The following PPARG variants were observed in gnomAD, a reference collection of about 807,000 sequenced individuals.
PPARG encodes peroxisome proliferator-activated receptor gamma.
In PPARG, 17 loss-of-function variants were observed where a neutral mutation model predicts 39.2. That is an observed-to-expected ratio of 0.43 (90% CI 0.30 to 0.65). PPARG has a LOEUF of 0.65. Ranked by LOEUF, PPARG falls within the 30% of genes least tolerant of loss-of-function variation. PPARG has a pLI of 0.13. For synonymous variants in PPARG, 223 were observed against 215.7 expected (o/e 1.03, Z -0.30); for missense variants, 406 against 585.9 (o/e 0.69, Z 3.17).
At position 12,320,992 on chromosome 3, in the gene PPARG, A is replaced by G. The variant is rs1026371406; in HGVS notation, c.-9+8539A>G. Among the ~76,000 whole-genome samples the G allele has an allele frequency of 3.3e-5, 5 of 152,232 alleles. No individual in the cohort carries two copies. In the South Asian group the frequency reaches 6.2e-4, roughly 19 times the overall value. On this transcript the variant is annotated intron_variant, in intron 2 of 7. Transcript: ENST00000651735. Reference sequence around the variant, plus strand: ...TATCTTTTTAATATTTTTGTTTGGGAAAAGCATTAAGCTCCTTCATTGTGT... The same window carrying G: ...TATCTTTTTAATATTTTTGTTTGGGGAAAGCATTAAGCTCCTTCATTGTGT...
chr3:12,290,722 G>T (rs918338983), intron 1 of PPARG, among the ~76,000 whole-genome samples: 2 of 152,022 alleles, frequency 1.3e-5, no homozygotes, highest in Non-Finnish European at 2.9e-5. Context: ...TGACAATAAG[G>T]ATGTTAGCCA....
At chr3:12,394,102 A>G (rs2050175737) in intron 5 of PPARG, among the ~76,000 whole-genome samples, 1 of 152,216 alleles carries the variant, frequency 6.6e-6, no homozygotes, top group Admixed American at 6.5e-5. Context: ...ACATAAGGGC[A>G]AGCTTCCAAG....
At chr3:12,312,246 C>T (rs1347084847) in intron 1 of PPARG, 134 bp from the exon 2 acceptor site, 2 of 152,220 alleles carry the variant, frequency 1.3e-5, no homozygotes, top group Admixed American at 1.3e-4. Flanking sequence ...GGAAAGCAAA[C>T]ATTCAGAATG....
intron 2 of PPARG, among the ~76,000 whole-genome samples, chr3:12,329,954 G>A (rs895797236): frequency 3.3e-5 from 5 of 152,148 alleles, no homozygotes; most frequent in African/African-American, 9.7e-5. Flanking sequence ...CCATGTTGTA[G>A]CATGTATCAG....
chr3:12,401,434 T>C (rs2050466798), intron 5 of PPARG, among the ~76,000 whole-genome samples: 1 of 152,298 alleles, frequency 6.6e-6, no homozygotes, highest in African/African-American at 2.4e-5. Context: ...ACCACAGCAA[T>C]AAAAGCTGTG....
chr3:12,368,331 G>A (rs1033489875), intron 2 of PPARG, among the ~76,000 whole-genome samples: 10 of 151,760 alleles, frequency 6.6e-5, no homozygotes, highest in Non-Finnish European at 1.3e-4. Flanking sequence ...ACAGGCCTGC[G>A]CCACCACGCC....
chr3:12,434,203 G>A lies in PPARG; in HGVS notation c.*58G>A, dbSNP rs2051781355. 59 of 1,608,406 alleles carry A rather than the reference G, an allele frequency of 3.7e-5. No homozygotes were observed. In the South Asian group the frequency reaches 5.9e-4, roughly 16 times the overall value. On this transcript the variant is annotated 3_prime_UTR_variant, in exon 8 of 8. Transcript: ENST00000651735. The surrounding 1 kb of genome is among the most constrained non-coding windows in gnomAD (Gnocchi z 4.2). ...TTCTTCCAGTTGCACTATTCTGAGG[G>A]AAAATCTGACACCTAAGAAATTTAC...
intron 7 of PPARG, among the ~76,000 whole-genome samples, chr3:12,427,862 T>C (rs139164909): frequency 3.8e-4 from 58 of 152,350 alleles, no homozygotes; most frequent in African/African-American, 1.3e-3. Context: ...AGGTCTTTCA[T>C]TGTCTGTGGA....
At chr3:12,352,100 C>G (rs952878759) in intron 2 of PPARG, among the ~76,000 whole-genome samples, 3 of 152,130 alleles carry the variant, frequency 2.0e-5, no homozygotes, top group African/African-American at 7.2e-5. Context: ...TTTTATTCCT[C>G]TTGAAGTACT....
intron 2 of PPARG, among the ~76,000 whole-genome samples, chr3:12,355,566 C>T (rs1302784456): frequency 1.3e-5 from 2 of 152,040 alleles, no homozygotes; most frequent in African/African-American, 4.8e-5. Flanking sequence ...CTCTGATTAA[C>T]CTCTTTTTTC....
At chr3:12,377,792 TAATC>T (rs1292735831) in intron 2 of PPARG, among the ~76,000 whole-genome samples, 1 of 152,116 alleles carries the variant, frequency 6.6e-6, no homozygotes, top group Non-Finnish European at 1.5e-5. Flanking sequence ...ACAAAGGAAA[TAATC>T]AATAAAGTGA....
chr3:12,375,692 A>T lies in PPARG; in HGVS notation c.-8-4012A>T, dbSNP rs187209037. 2.0e-3 allele frequency among the ~76,000 whole-genome samples: 301 copies of T among 152,320 alleles called. 1 individual carries two copies. Among genetic ancestry groups the T allele is most frequent in the Non-Finnish European group, 2.2e-3 (151 of 68,026 alleles). On this transcript the variant is annotated intron_variant, in intron 2 of 7. Coordinates refer to ENST00000651735, the MANE Select transcript of PPARG (RefSeq NM_138711.6). ...TTGGACGAATTTTGAAACAAAGGAC[A>T]CAGTTGGATGGGTGCCCTGTCCTTA...
chr3:12,323,065 C>T (rs2047592247), intron 2 of PPARG, among the ~76,000 whole-genome samples: 1 of 152,076 alleles, frequency 6.6e-6, no homozygotes, highest in African/African-American at 2.4e-5. Flanking sequence ...CTCAGCCTCC[C>T]AAAGTGTTGA....
intron 2 of PPARG, among the ~76,000 whole-genome samples, chr3:12,325,201 G>A (rs1295565571): frequency 1.3e-5 from 2 of 151,632 alleles, no homozygotes; most frequent in South Asian, 2.1e-4. Context: ...TGGGCAGATC[G>A]CCTGAGGTCA....
intron 2 of PPARG, among the ~76,000 whole-genome samples, chr3:12,347,782 G>T (rs1475096944): frequency 6.6e-6 from 1 of 152,144 alleles, no homozygotes; most frequent in Non-Finnish European, 1.5e-5. Context: ...ATGTGATATG[G>T]ATGTGCTGTT....
At chr3:12,418,253 G>A (rs768010119) in intron 7 of PPARG, among the ~76,000 whole-genome samples, 5 of 152,108 alleles carry the variant, frequency 3.3e-5, no homozygotes, top group Non-Finnish European at 7.4e-5. Context: ...ATAGGCATAA[G>A]CCACCACGCA....
chr3:12,322,522 C>T (rs2047574919), intron 2 of PPARG, among the ~76,000 whole-genome samples: 1 of 152,162 alleles, frequency 6.6e-6, no homozygotes, highest in African/African-American at 2.4e-5. Flanking sequence ...GATACACGTG[C>T]AGAACTGGAA....
chr3:12,338,107 A>T (rs1177301886), intron 2 of PPARG, among the ~76,000 whole-genome samples: 1 of 152,236 alleles, frequency 6.6e-6, no homozygotes, highest in East Asian at 1.9e-4. Flanking sequence ...TAGATCCTAA[A>T]CTAAAGGTTT....
At chr3:12,373,746 A>T (rs769997942) in intron 2 of PPARG, among the ~76,000 whole-genome samples, 40 of 152,202 alleles carry the variant, frequency 2.6e-4, no homozygotes, top group Non-Finnish European at 4.3e-4. Flanking sequence ...TGGAAGTCTA[A>T]TGGTGGAGAT....
Sources: gnomAD v4.1 joint callset for allele counts (sites outside exome capture counted in the v4.1 genomes callset) on GRCh38, gnomAD v4.1.1 for gene constraint, Gnocchi (gnomAD v3.1) non-coding constraint, MANE v1.5 for transcripts, NCBI Gene and HGNC (gene_info 2026-07-23, HGNC 2026-07-21) for gene names.